Variants in PAK3 observed in about 807,000 individuals in gnomAD.
The protein encoded by PAK3 is serine/threonine-protein kinase PAK 3.
In PAK3, 4 loss-of-function variants were observed where a neutral mutation model predicts 41.0. The ratio of observed to expected loss-of-function variants is 0.10; its 90% CI spans 0.05 to 0.22. The LOEUF is 0.22. Among genes scored for constraint, PAK3 ranks in the 10% least tolerant of loss-of-function variants. PAK3 has a pLI of 1.00. For missense variants in PAK3, 205 were observed against 409.9 expected (o/e 0.50, Z 4.32); for synonymous variants, 146 against 139.6 (o/e 1.05, Z -0.32).
intron 1 of PAK3, among the ~76,000 whole-genome samples, chrX:110,969,255 A>G (rs755131332): frequency 9.7e-6 from 1 of 103,129 alleles, no homozygotes; most frequent in African/African-American, 3.5e-5. Flanking sequence ...TTCAATTGCT[A>G]CAGCATTACT....
chrX:111,052,644 A>G (rs2092569023), intron 1 of PAK3, among the ~76,000 whole-genome samples: 1 of 112,458 alleles, frequency 8.9e-6, no homozygotes, highest in Non-Finnish European at 1.9e-5. Flanking sequence ...TCATACAGCT[A>G]CTGAGTGATA....
At chrX:111,173,504 G>A (rs116144116) in intron 11 of PAK3, among the ~76,000 whole-genome samples, 2,157 of 111,228 alleles carry the variant, frequency 0.019, 60 homozygotes, top group African/African-American at 0.067. Flanking sequence ...CTGAGGGTGG[G>A]GAATGTCCTT....
intron 11 of PAK3, among the ~76,000 whole-genome samples, chrX:111,184,251 A>G (rs1160630565): frequency 9.0e-6 from 1 of 111,662 alleles, no homozygotes; most frequent in African/African-American, 3.2e-5. Context: ...GATCAATGTA[A>G]TTAAATGTTT....
At chrX:111,218,034 G>A (rs149241273) in intron 17 of PAK3, among the ~76,000 whole-genome samples, 4,547 of 111,947 alleles carry the variant, frequency 0.041, 230 homozygotes, top group African/African-American at 0.14. Context: ...AGTTTATTGC[G>A]TCTTTTCATT....
intron 1 of PAK3, among the ~76,000 whole-genome samples, chrX:110,981,129 G>T (rs779775425): frequency 9.0e-6 from 1 of 111,418 alleles, no homozygotes; most frequent in South Asian, 3.9e-4. Context: ...CCTTCATTTT[G>T]GGGTACTGTT....
intron 5 of PAK3, 33 bp downstream of exon 5, chrX:111,123,311 G>T (rs766813211): frequency 1.4e-5 from 15 of 1,105,910 alleles, no homozygotes; most frequent in Middle Eastern, 2.6e-4. Context: ...TTGAAAATGG[G>T]CTAGTTTATT....
chrX:110,955,912 A>G lies in PAK3; in HGVS notation c.-28+11284A>G, dbSNP rs756086607. Among the ~76,000 whole-genome samples, 3 of 112,005 alleles carry G rather than the reference A, an allele frequency of 2.7e-5. No homozygotes were observed. The East Asian group carries it at 8.4e-4, about 32-fold the overall frequency. On this transcript the variant is annotated intron_variant, in intron 1 of 14. Transcript: ENST00000425146. The stretch of plus-strand genomic sequence containing the variant: ...AAAGAGCTGTTTTGGAGCAAAAAAG[A>G]GGGTAGGGTAAAGGTTAAAAGATCA...
intron 1 of PAK3, among the ~76,000 whole-genome samples, chrX:111,047,755 T>C (rs898688610): frequency 2.1e-4 from 23 of 111,561 alleles, no homozygotes; most frequent in African/African-American, 7.5e-4. Context: ...GGGAATTGCA[T>C]CATTCAAACT....
At chrX:110,945,643 G>GGA (rs2090602403) in intron 1 of PAK3, among the ~76,000 whole-genome samples, 1 of 112,095 alleles carries the variant, frequency 8.9e-6, no homozygotes, top group South Asian at 3.7e-4. Flanking sequence ...AGTGAAGTTA[G>GGA]TGGTGTGCTA....
In PAK3 at chrX:111,039,862, G is replaced by C. The variant is rs1353669759; in HGVS notation, c.-27-83215G>C. On this transcript the variant is annotated intron_variant, in intron 1 of 14. Coordinates refer to the PAK3 transcript ENST00000425146. Reference sequence around the variant, plus strand: ...GAGGCCCAAGCTCAGAAGGGGTCCTGTGAGGCACATAATTCCTAGGGTCTT... The same window carrying C: ...GAGGCCCAAGCTCAGAAGGGGTCCTCTGAGGCACATAATTCCTAGGGTCTT... 2.7e-5 allele frequency among the ~76,000 whole-genome samples: 3 copies of C among 109,651 alleles called. No individual in the cohort carries two copies. The East Asian group carries it at 8.6e-4, about 32-fold the overall frequency.
chrX:110,956,929 G>A (rs925514791), intron 1 of PAK3, among the ~76,000 whole-genome samples: 26 of 111,566 alleles, frequency 2.3e-4, no homozygotes, highest in South Asian at 1.2e-3. Flanking sequence ...CCAGGGCATC[G>A]CCTAGCTCAG....
chrX:111,099,240 G>A (rs932817366), intron 3 of PAK3, among the ~76,000 whole-genome samples: 5 of 112,268 alleles, frequency 4.5e-5, no homozygotes, highest in African/African-American at 6.5e-5. Flanking sequence ...CCTACGCGGT[G>A]ATTATTTGAG....
chrX:111,136,827 G>A (rs1362507873), intron 5 of PAK3, among the ~76,000 whole-genome samples: 2 of 111,866 alleles, frequency 1.8e-5, no homozygotes, highest in Admixed American at 1.9e-4. Context: ...ATTTGCCCAG[G>A]TTTCATCCCC....
chrX:111,030,169 T>C (rs2092323719), intron 1 of PAK3, among the ~76,000 whole-genome samples: 1 of 111,997 alleles, frequency 8.9e-6, no homozygotes, highest in South Asian at 3.7e-4. Context: ...TGATAAAATA[T>C]ATGAGTATCT....
Position 111,118,320 on chromosome X carries a change from C to T in PAK3, c.-27-4757C>T, listed in dbSNP as rs2093503811. Reference sequence around the variant, plus strand: ...CTAGTTAGCAAAGCATGGTTTGTTTCCCAGTCAAGTCTATGCCTGAAAGCT... The same window carrying T: ...CTAGTTAGCAAAGCATGGTTTGTTTTCCAGTCAAGTCTATGCCTGAAAGCT... On this transcript the variant is annotated intron_variant, in intron 4 of 17. Transcript: ENST00000372007. Among the ~76,000 whole-genome samples, 3 of 111,267 alleles carry T rather than the reference C, an allele frequency of 2.7e-5. No individual in the cohort carries two copies. The South Asian group carries it at 1.1e-3, about 43-fold the overall frequency.
chrX:111,031,863 A>G (rs1331272934), intron 1 of PAK3, among the ~76,000 whole-genome samples: 1 of 111,883 alleles, frequency 8.9e-6, no homozygotes, highest in Admixed American at 9.5e-5. Context: ...AAACAACAGT[A>G]TTAGCAAGAG....
intron 1 of PAK3, among the ~76,000 whole-genome samples, chrX:111,086,452 A>G (rs1421281577): frequency 9.0e-6 from 1 of 111,222 alleles, no homozygotes; most frequent in Non-Finnish European, 1.9e-5. Context: ...TTAAGAACAG[A>G]ATTAGGGGAT....
chrX:111,063,217 C>T (rs2092672381), intron 1 of PAK3, among the ~76,000 whole-genome samples: 1 of 112,310 alleles, frequency 8.9e-6, no homozygotes, highest in Non-Finnish European at 1.9e-5. Context: ...CCCTCACTTG[C>T]TGTGTGAGTT....
At chrX:111,181,021 AGTGCCG>A (rs1191737477) in intron 11 of PAK3, among the ~76,000 whole-genome samples, 1 of 111,730 alleles carries the variant, frequency 9.0e-6, no homozygotes, top group Non-Finnish European at 1.9e-5. Context: ...AATGTATGAG[AGTGCCG>A]GTTTGCCTGC....
Sources: gnomAD v4.1 joint callset for allele counts (sites outside exome capture counted in the v4.1 genomes callset) on GRCh38, gnomAD v4.1.1 for gene constraint, MANE v1.5 for transcripts, NCBI Gene and HGNC (gene_info 2026-07-23, HGNC 2026-07-21) for gene names.